Variants in TSHZ3 observed in about 807,000 individuals in gnomAD.
TSHZ3 encodes teashirt homolog 3.
TSHZ3 carries 10 observed loss-of-function variants against 64.5 expected under a neutral mutation model. The ratio of observed to expected loss-of-function variants is 0.16; its 90% CI spans 0.10 to 0.26. The LOEUF (loss-of-function observed/expected upper bound fraction) is 0.26, where lower values mean the gene tolerates loss of function less well. TSHZ3 is among the 10% of genes least tolerant of loss of function. TSHZ3 has a pLI of 1.00. For missense variants in TSHZ3, 1,242 were observed against 1,421.7 expected (o/e 0.87, Z 2.03); for synonymous variants, 608 against 593.1 (o/e 1.03, Z -0.36).
At chr19:31,185,805 C>T (rs1354895783) in intron 5 of TSHZ3, among the ~76,000 whole-genome samples, 2 of 152,222 alleles carry the variant, frequency 1.3e-5, no homozygotes. Context: ...GAAGTTCCAT[C>T]ATTATCCTTC....
At chr19:31,301,182 G>A (rs372878226) in intron 1 of TSHZ3, among the ~76,000 whole-genome samples, 1 of 152,018 alleles carries the variant, frequency 6.6e-6, no homozygotes, top group Admixed American at 6.5e-5. Flanking sequence ...GGATTGCGGG[G>A]GATTTCAGTT....
chr19:31,345,868 A>C (rs1917577086), intron 1 of TSHZ3, among the ~76,000 whole-genome samples: 1 of 152,256 alleles, frequency 6.6e-6, no homozygotes, highest in East Asian at 1.9e-4. Flanking sequence ...AGCAGGGGAT[A>C]ATGGTCATTT....
At chr19:31,282,126 C>T (rs1976372123) in intron 1 of TSHZ3, among the ~76,000 whole-genome samples, 1 of 152,048 alleles carries the variant, frequency 6.6e-6, no homozygotes, top group African/African-American at 2.4e-5. Flanking sequence ...AGAAGTGCAC[C>T]GGGTGCATGC....
chr19:31,226,660 A>T (rs1975466602), intron 4 of TSHZ3, among the ~76,000 whole-genome samples: 1 of 152,100 alleles, frequency 6.6e-6, no homozygotes, highest in African/African-American at 2.4e-5. Context: ...CTTGCCTTCC[A>T]TCTGAGCACC....
chr19:31,283,138 C>T (rs62101257), intron 1 of TSHZ3, among the ~76,000 whole-genome samples: 17,049 of 152,130 alleles, frequency 0.11, 1,031 homozygotes, highest in East Asian at 0.21. Flanking sequence ...TTTGAGACCA[C>T]CTTCGGCAAC....
rs1192918325 is a variant in TSHZ3 at position 31,235,596 on chromosome 19, TTTTC to T, written n.550+6669_550+6672del. Among the ~76,000 whole-genome samples the T allele has an allele frequency of 6.4e-4, 96 of 150,642 alleles. 2 individuals carry two copies. The highest frequency in any genetic ancestry group is 6.8e-3 in the Middle Eastern group (2 of 294). On this transcript the variant is annotated intron_variant and non_coding_transcript_variant, in intron 3 of 6. Coordinates refer to the TSHZ3 transcript ENST00000651361. Reference sequence around the variant, plus strand: ...TCTTTCCTTCTCTTTTTTCTTTCTTTTTTCTTTCTTTCTTTCTTTCCTCTTTCTT... The same window carrying T: ...TCTTTCCTTCTCTTTTTTCTTTCTTTTTTCTTTCTTTCTTTCCTCTTTCTT...
At chr19:31,211,406 G>C (rs971862773) in intron 4 of TSHZ3, among the ~76,000 whole-genome samples, 1 of 152,218 alleles carries the variant, frequency 6.6e-6, no homozygotes, top group African/African-American at 2.4e-5. Context: ...GACTACAGCA[G>C]ACGCAGAAGG....
intron 5 of TSHZ3, among the ~76,000 whole-genome samples, chr19:31,156,665 C>A (rs1336373394): frequency 6.6e-6 from 1 of 152,144 alleles, no homozygotes; most frequent in Non-Finnish European, 1.5e-5. Context: ...ATTGCAAAAT[C>A]ATTCCCAGGG....
At chr19:31,192,472 A>G (rs1247751655) in intron 5 of TSHZ3, among the ~76,000 whole-genome samples, 1 of 152,232 alleles carries the variant, frequency 6.6e-6, no homozygotes, top group Non-Finnish European at 1.5e-5. Flanking sequence ...TGTCAAGGTC[A>G]GACCTGGACA....
chr19:31,279,786 T>A lies in TSHZ3; in HGVS notation c.41-34A>T. ...ATAACAGGTGGGAAAGAGAGACAGG[T>A]AGGATGGAATGAAGAGAGACAGGGA... On this transcript the variant is annotated intron_variant, in intron 1 of 1. Coordinates refer to ENST00000240587, the MANE Select transcript of TSHZ3 (RefSeq NM_020856.4). This position sits in a 1 kb window ranked among gnomAD's most constrained non-coding sequence, Gnocchi z 6.4. The A allele has an allele frequency of 6.8e-7, 1 of 1,461,316 alleles. No individual in the cohort carries two copies. Among genetic ancestry groups the A allele is most frequent in the Non-Finnish European group, 9.0e-7 (1 of 1,106,440 alleles). The allele number at this position is 1,461,316 out of a possible 1,614,324, so 90.5% of individuals were successfully genotyped here. A position where few individuals can be genotyped will look rare whatever the true frequency, so the allele number is the denominator to read the frequency against.
At chr19:31,261,826 G>A (rs1264228942) in intron 1 of TSHZ3, among the ~76,000 whole-genome samples, 1 of 152,154 alleles carries the variant, frequency 6.6e-6, no homozygotes, top group East Asian at 1.9e-4. Context: ...CAAGGCACGT[G>A]CAGAGATAAA....
intron 1 of TSHZ3, among the ~76,000 whole-genome samples, chr19:31,246,197 C>T (rs985812626): frequency 6.6e-6 from 1 of 152,028 alleles, no homozygotes; most frequent in Non-Finnish European, 1.5e-5. Context: ...AAAAATAAGT[C>T]AAAACACTAC....
At chr19:31,321,959 T>C (rs1383953325) in intron 1 of TSHZ3, among the ~76,000 whole-genome samples, 1 of 152,100 alleles carries the variant, frequency 6.6e-6, no homozygotes, top group Non-Finnish European at 1.5e-5. Flanking sequence ...TAGGTATTGC[T>C]CCTAATGCTA....
At chr19:31,230,129 A>T (rs767566752) in intron 3 of TSHZ3, among the ~76,000 whole-genome samples, 1 of 152,220 alleles carries the variant, frequency 6.6e-6, no homozygotes, top group Non-Finnish European at 1.5e-5. Context: ...AAAGCAAAAA[A>T]TTAAAAACAA....
chr19:31,292,609 C>A (rs543369110), intron 1 of TSHZ3, among the ~76,000 whole-genome samples: 4 of 152,304 alleles, frequency 2.6e-5, no homozygotes, highest in African/African-American at 9.6e-5. Flanking sequence ...AACTGATTCA[C>A]TCAACACATC....
At chr19:31,199,416 A>G (rs1011890106) in intron 5 of TSHZ3, among the ~76,000 whole-genome samples, 3 of 150,724 alleles carry the variant, frequency 2.0e-5, no homozygotes, top group Non-Finnish European at 4.4e-5. Context: ...AAAAAAAAAA[A>G]AAAAAAGAAA....
chr19:31,170,408 C>T (rs532307917), intron 5 of TSHZ3, among the ~76,000 whole-genome samples: 1 of 152,296 alleles, frequency 6.6e-6, no homozygotes, highest in Admixed American at 6.5e-5. Flanking sequence ...TCCCATTCTC[C>T]AAATTCCATC....
chr19:31,265,271 C>T (rs1002450514), intron 1 of TSHZ3, among the ~76,000 whole-genome samples: 4 of 151,430 alleles, frequency 2.6e-5, no homozygotes, highest in African/African-American at 9.7e-5. Flanking sequence ...GTGGTCCATG[C>T]CTGTAATCCC....
intron 4 of TSHZ3, among the ~76,000 whole-genome samples, chr19:31,212,503 T>C (rs1220861628): frequency 6.6e-6 from 1 of 152,052 alleles, no homozygotes; most frequent in Admixed American, 6.6e-5. Context: ...AAGGCTCTCA[T>C]TATGTATCAT....
Sources: allele counts gnomAD v4.1 joint callset (sites outside exome capture counted in the v4.1 genomes callset), GRCh38; gene constraint gnomAD v4.1.1; non-coding constraint Gnocchi (gnomAD v3.1); transcripts MANE v1.5; gene names NCBI Gene and HGNC (gene_info 2026-07-23, HGNC 2026-07-21).